Variants in LINGO2 observed in about 807,000 individuals in gnomAD.
LINGO2 encodes leucine rich repeat and Ig domain containing 2, also known as leucine-rich repeat and immunoglobulin-like domain-containing nogo receptor-interacting protein 2.
A neutral mutation model predicts 30.6 loss-of-function variants in LINGO2; 14 were observed. The observed-to-expected ratio is 0.46, with a 90% CI of 0.30 to 0.72. The LOEUF (loss-of-function observed/expected upper bound fraction) is 0.72, where lower values mean the gene tolerates loss of function less well. LINGO2 is among the 30% of genes least tolerant of loss of function. LINGO2 has a pLI of 0.07. For missense variants in LINGO2, 729 were observed against 751.7 expected (o/e 0.97, Z 0.35); for synonymous variants, 317 against 288.5 (o/e 1.10, Z -1.00).
At chr9:28,792,958 G>C in the LINGO2 span, among the ~76,000 whole-genome samples, 6 of 152,178 alleles carry the variant, frequency 3.9e-5, no homozygotes, top group African/African-American at 1.4e-4. Flanking sequence ...TTACTCAATG[G>C]AATTGTACAT....
chr9:28,959,831 G>A, the LINGO2 span, among the ~76,000 whole-genome samples: 4 of 152,166 alleles, frequency 2.6e-5, no homozygotes, highest in African/African-American at 9.7e-5. Flanking sequence ...CATTTTGGAT[G>A]TTAGAGCTCA....
the LINGO2 span, among the ~76,000 whole-genome samples, chr9:28,876,794 A>T: frequency 3.9e-5 from 6 of 152,094 alleles, no homozygotes; most frequent in South Asian, 1.0e-3. Flanking sequence ...TCAAATGGTA[A>T]TTCTAGTTCT....
At chr9:28,265,103 C>T (rs1017383900) in intron 4 of LINGO2, among the ~76,000 whole-genome samples, 3 of 151,736 alleles carry the variant, frequency 2.0e-5, no homozygotes, top group Non-Finnish European at 2.9e-5. Context: ...AATTACCAGC[C>T]CCACAATTGT....
At chr9:29,031,243 AAAG>A in the LINGO2 span, among the ~76,000 whole-genome samples, 1 of 134,746 alleles carries the variant, frequency 7.4e-6, no homozygotes, top group Non-Finnish European at 1.6e-5. Flanking sequence ...ACATAGTAAC[AAAG>A]TGGTGGTGGT....
the LINGO2 span, among the ~76,000 whole-genome samples, chr9:29,188,800 T>C: frequency 0.67 from 84,299 of 126,488 alleles, 27,731 homozygotes; most frequent in East Asian, 0.82. Flanking sequence ...CCCCTCACCT[T>C]CCGGACAGGG....
chr9:28,172,312 A>G lies in LINGO2; in HGVS notation c.-87+122896T>C, dbSNP rs911361379. ...AGGCTGAGGCAGGAGAATGGCGTGA[A>G]CCCGGGAGGCGGAGCTTGCAGTGAG... On this transcript the variant is annotated intron_variant, in intron 4 of 5. Coordinates refer to ENST00000379992, the Ensembl canonical transcript of LINGO2. Among the ~76,000 whole-genome samples, 898 of 143,476 alleles carry G rather than the reference A, an allele frequency of 6.3e-3. 11 individuals are homozygous for G. Among genetic ancestry groups the G allele is most frequent in the African/African-American group, 0.021 (832 of 39,138 alleles). 94.1% of individuals were successfully genotyped at this position (143,476 alleles called of 152,430 possible). A position where few individuals can be genotyped will look rare whatever the true frequency, so the allele number is the denominator to read the frequency against.
chr9:27,994,431 A>G (rs899225086), intron 5 of LINGO2, among the ~76,000 whole-genome samples: 3 of 152,180 alleles, frequency 2.0e-5, no homozygotes, highest in African/African-American at 7.2e-5. Context: ...TTGTTAGAGT[A>G]GGCAGATAGG....
intron 4 of LINGO2, among the ~76,000 whole-genome samples, chr9:28,104,158 G>A (rs1826500644): frequency 6.6e-6 from 1 of 151,418 alleles, no homozygotes; most frequent in Non-Finnish European, 1.5e-5. Flanking sequence ...TGTCCTTCTT[G>A]GGTTATAATA....
intron 1 of LINGO2, among the ~76,000 whole-genome samples, chr9:28,650,746 T>C (rs181205232): frequency 3.3e-5 from 5 of 152,172 alleles, no homozygotes; most frequent in Admixed American, 1.3e-4. Flanking sequence ...CTAGTGCATA[T>C]ATATGTTTTA....
chr9:28,117,446 G>A (rs1427363713), intron 4 of LINGO2, among the ~76,000 whole-genome samples: 3 of 102,694 alleles, frequency 2.9e-5, no homozygotes, highest in African/African-American at 7.5e-5. Context: ...CACCCAGTTC[G>A]AGCTTCCCGG....
chr9:29,133,489 G>A, the LINGO2 span, among the ~76,000 whole-genome samples: 1 of 152,066 alleles, frequency 6.6e-6, no homozygotes, highest in African/African-American at 2.4e-5. Context: ...TTAGAAATGT[G>A]GACACTCAGG....
At chr9:28,102,158 C>T (rs1481787257) in intron 4 of LINGO2, among the ~76,000 whole-genome samples, 2 of 144,738 alleles carry the variant, frequency 1.4e-5, no homozygotes, top group South Asian at 4.5e-4. Flanking sequence ...AGCTTAGAAG[C>T]AGCCCTGGGA....
intron 3 of LINGO2, among the ~76,000 whole-genome samples, chr9:28,314,676 GA>G (rs1433130220): frequency 6.6e-6 from 1 of 152,072 alleles, no homozygotes; most frequent in Non-Finnish European, 1.5e-5. Flanking sequence ...TACATCAGTG[GA>G]AACAATGGCA....
rs182993693 is a variant in LINGO2, at chr9:28,055,598, A to G, written c.-86-43193T>C. 2.3e-3 allele frequency among the ~76,000 whole-genome samples: 349 copies of G among 152,276 alleles called. 4 individuals are homozygous for G. The highest frequency in any genetic ancestry group is 5.2e-3 in the South Asian group (25 of 4,828). On this transcript the variant is annotated intron_variant, in intron 4 of 5. Transcript: ENST00000379992. ...TAAGGCTTCAGTCTAATTTCTCAAA[A>G]TGTTTTCTCTCTATCATAGGCTTAC...
chr9:28,623,107 G>A (rs913109741), intron 1 of LINGO2, among the ~76,000 whole-genome samples: 12 of 151,898 alleles, frequency 7.9e-5, no homozygotes, highest in African/African-American at 2.2e-4. Flanking sequence ...TTTCAGATGC[G>A]TAGTTTGCAA....
intron 3 of LINGO2, among the ~76,000 whole-genome samples, chr9:28,368,436 T>C (rs1287689829): frequency 6.6e-6 from 1 of 152,184 alleles, no homozygotes; most frequent in Non-Finnish European, 1.5e-5. Context: ...TTTGTTTTTC[T>C]GCTTGGCTTC....
intron 4 of LINGO2, among the ~76,000 whole-genome samples, chr9:28,036,802 G>T (rs1823957662): frequency 6.6e-6 from 1 of 152,168 alleles, no homozygotes; most frequent in Non-Finnish European, 1.5e-5. Flanking sequence ...TCCTTACAAA[G>T]TTAGCTCAAG....
intron 1 of LINGO2, among the ~76,000 whole-genome samples, chr9:28,559,416 G>A (rs1822921036): frequency 6.6e-6 from 1 of 152,046 alleles, no homozygotes; most frequent in Non-Finnish European, 1.5e-5. Context: ...TCTCTCTCCA[G>A]TGGCCTCATG....
intron 1 of LINGO2, among the ~76,000 whole-genome samples, chr9:28,627,731 C>CT (rs1178298932): frequency 1.3e-5 from 2 of 151,900 alleles, no homozygotes; most frequent in African/African-American, 4.8e-5. Context: ...ATATAAGTCT[C>CT]TTTTTTCAAA....
Sources: allele counts gnomAD v4.1 joint callset (sites outside exome capture counted in the v4.1 genomes callset), GRCh38; gene constraint gnomAD v4.1.1; transcripts MANE v1.5; gene names NCBI Gene and HGNC (gene_info 2026-07-23, HGNC 2026-07-21).